PALLD: variants seen among roughly 807,000 people sequenced by gnomAD.
The protein encoded by PALLD is palladin.
A neutral mutation model predicts 123.5 loss-of-function variants in PALLD; 61 were observed. That is an observed-to-expected ratio of 0.49 (90% CI 0.40 to 0.61). PALLD has a LOEUF of 0.61. Ranked by LOEUF, PALLD falls within the 20% of genes least tolerant of loss-of-function variation. The pLI is 0.00. For missense variants in PALLD, 1,273 were observed against 1,377.0 expected, an observed-to-expected ratio of 0.92 and a Z score of 1.20; for synonymous variants, 465 against 496.4, an observed-to-expected ratio of 0.94 and a Z score of 0.84.
At position 168,738,779 on chromosome 4, in the gene PALLD, A is replaced by G. The variant is rs114376954; in HGVS notation, c.1964+26856A>G. On this transcript the variant is annotated intron_variant, in intron 10 of 21. Transcript: ENST00000505667. ...CACCCAGCCCAACTACAGCAAATCA[A>G]TTCCTCCAGTTTTCATTATCTTACT... Among the ~76,000 whole-genome samples, 89 of 147,340 alleles carry G rather than the reference A, an allele frequency of 6.0e-4. 1 individual carries two copies. The highest frequency in any genetic ancestry group is 2.2e-3 in the African/African-American group (86 of 39,572).
chr4:168,663,060 C>T (rs1174094435), intron 2 of PALLD, among the ~76,000 whole-genome samples: 2 of 152,068 alleles, frequency 1.3e-5, no homozygotes, highest in African/African-American at 2.4e-5. Flanking sequence ...AAACTGTGGC[C>T]GATATTAAAC....
chr4:168,584,659 A>G (rs77641757), intron 2 of PALLD, among the ~76,000 whole-genome samples: 2,254 of 152,272 alleles, frequency 0.015, 15 homozygotes, highest in Non-Finnish European at 0.024. Context: ...CTTCTATTTC[A>G]ATCTGTGGTT....
intron 1 of PALLD, among the ~76,000 whole-genome samples, chr4:168,503,573 G>C (rs1488381235): frequency 1.3e-5 from 2 of 151,740 alleles, no homozygotes; most frequent in African/African-American, 4.8e-5. Context: ...TGTGAACCTG[G>C]GAGGCGGAGG....
chr4:168,626,831 T>C (rs938534282), intron 2 of PALLD, among the ~76,000 whole-genome samples: 9 of 152,076 alleles, frequency 5.9e-5, no homozygotes, highest in African/African-American at 2.2e-4. Context: ...GAGGATATTA[T>C]GCCAAATGAA....
chr4:168,791,043 C>CA (rs768743103), intron 10 of PALLD, among the ~76,000 whole-genome samples: 1 of 152,154 alleles, frequency 6.6e-6, no homozygotes, highest in Non-Finnish European at 1.5e-5. Context: ...TCAGACCTAT[C>CA]ATTTGACACC....
At chr4:168,742,567 A>G (rs1788458741) in intron 10 of PALLD, among the ~76,000 whole-genome samples, 1 of 152,220 alleles carries the variant, frequency 6.6e-6, no homozygotes, top group South Asian at 2.1e-4. Context: ...TTTCTGTTCC[A>G]TGAACATACC....
At chr4:168,634,449 C>T (rs373615100) in intron 2 of PALLD, among the ~76,000 whole-genome samples, 1 of 152,220 alleles carries the variant, frequency 6.6e-6, no homozygotes, top group East Asian at 1.9e-4. Context: ...TGTTCTTCGA[C>T]TTTATCTGCC....
intron 17 of PALLD, among the ~76,000 whole-genome samples, chr4:168,919,368 C>CA (rs1760941393): frequency 6.6e-6 from 1 of 151,760 alleles, no homozygotes; most frequent in African/African-American, 2.4e-5. Context: ...TACTAAAATA[C>CA]AAAAAAATCA....
chr4:168,656,024 T>C (rs1047959160), intron 2 of PALLD, among the ~76,000 whole-genome samples: 6 of 152,194 alleles, frequency 3.9e-5, no homozygotes, highest in African/African-American at 1.4e-4. Flanking sequence ...AGGGGATCAT[T>C]GTATTTCAGT....
At chr4:168,832,752 AG>A in intron 10 of PALLD, 1 of 152,134 alleles carries the variant, frequency 6.6e-6, no homozygotes. Context: ...CGCCATTCAA[AG>A]GAAGTTTGCG....
chr4:168,874,358 C>T (rs922818351), intron 10 of PALLD, among the ~76,000 whole-genome samples: 1 of 152,200 alleles, frequency 6.6e-6, no homozygotes, highest in African/African-American at 2.4e-5. Flanking sequence ...TCATACACCT[C>T]TCCTTATCTC....
At chr4:168,518,549 G>C (rs542033822) in intron 2 of PALLD, among the ~76,000 whole-genome samples, 2 of 152,162 alleles carry the variant, frequency 1.3e-5, no homozygotes, top group African/African-American at 4.8e-5. Context: ...TTCTTGTCTG[G>C]GGCCTGTGTA....
intron 3 of PALLD, among the ~76,000 whole-genome samples, chr4:168,679,814 C>T (rs1351864080): frequency 6.6e-6 from 1 of 151,866 alleles, no homozygotes; most frequent in African/African-American, 2.4e-5. Flanking sequence ...GAAAATCTAG[C>T]CGACACAGGG....
chr4:168,579,563 T>C (rs1045380415), intron 2 of PALLD, among the ~76,000 whole-genome samples: 3 of 152,074 alleles, frequency 2.0e-5, no homozygotes, highest in Non-Finnish European at 4.4e-5. Flanking sequence ...GGAAAAGGTC[T>C]AGGTCAATGT....
chr4:168,724,232 A>G (rs753767959), intron 10 of PALLD, among the ~76,000 whole-genome samples: 1 of 152,110 alleles, frequency 6.6e-6, no homozygotes, highest in Non-Finnish European at 1.5e-5. Context: ...GCTTAATTTC[A>G]TTTTATGTTT....
At chr4:168,806,433 G>A (rs186524817) in intron 10 of PALLD, among the ~76,000 whole-genome samples, 37 of 152,192 alleles carry the variant, frequency 2.4e-4, no homozygotes, top group African/African-American at 8.7e-4. Flanking sequence ...CTCCACCAAG[G>A]TAAGACGTGC....
chr4:168,736,395 A>G (rs956235131), intron 10 of PALLD, among the ~76,000 whole-genome samples: 1 of 152,210 alleles, frequency 6.6e-6, no homozygotes, highest in Admixed American at 6.5e-5. Flanking sequence ...TGATTAGAAG[A>G]TAGCTGTAGC....
At chr4:168,682,693 C>T (rs756845956) in intron 4 of PALLD, among the ~76,000 whole-genome samples, 15 of 152,096 alleles carry the variant, frequency 9.9e-5, no homozygotes, top group Non-Finnish European at 2.2e-4. Context: ...AAGTTTAATA[C>T]GTTAGCATCT....
At chr4:168,725,527 T>TC (rs1342997529) in intron 10 of PALLD, among the ~76,000 whole-genome samples, 2 of 137,342 alleles carry the variant, frequency 1.5e-5, no homozygotes, top group South Asian at 2.5e-4. Flanking sequence ...AATTTCTTTT[T>TC]TTTTTTTTTT....
Sources: gnomAD v4.1 joint callset for allele counts (sites outside exome capture counted in the v4.1 genomes callset) on GRCh38, gnomAD v4.1.1 for gene constraint, MANE v1.5 for transcripts, NCBI Gene and HGNC (gene_info 2026-07-23, HGNC 2026-07-21) for gene names.